The following POGZ variants were observed in gnomAD, a reference collection of about 807,000 sequenced individuals.
The protein encoded by POGZ is pogo transposable element with ZNF domain.
Under a neutral mutation model 134.6 loss-of-function variants are expected in POGZ, and 17 were observed. The observed-to-expected ratio is 0.13, with a 90% CI of 0.09 to 0.19. The LOEUF is 0.19. POGZ is among the 10% of genes least tolerant of loss of function. The pLI is 1.00. For missense variants in POGZ, 1,306 were observed against 1,769.7 expected, an observed-to-expected ratio of 0.74 and a Z score of 4.70; for synonymous variants, 693 against 657.1, an observed-to-expected ratio of 1.05 and a Z score of -0.84.
chr1:151,430,904 C>CTTTATTTTATTTTATTTTAT (rs60227751), intron 3 of POGZ, 63 bp from the exon 4 acceptor site: 48 of 426,868 alleles, frequency 1.1e-4, no homozygotes, highest in African/African-American at 9.5e-4. Context: ...CCACATTTTA[C>CTTTATTTTATTTTATTTTAT]TTTATTTTAT....
At position 151,408,258 on chromosome 1, in the gene POGZ, AAAG is replaced by A. The variant is rs1261575811; in HGVS notation, c.2235-21_2235-19del. ...TGACACTCCTGTGGGGGAAAAAAAA[AAAG>A]AATTCTCATTACTGCCTCATGGGTC... On this transcript the variant is annotated intron_variant, in intron 14 of 18. Transcript: ENST00000271715. The A allele has an allele frequency of 1.2e-6, 2 of 1,603,654 alleles. No homozygotes were observed. The highest frequency in any genetic ancestry group is 1.7e-4 in the Middle Eastern group (1 of 5,972).
intron 10 of POGZ, among the ~76,000 whole-genome samples, chr1:151,413,977 G>C (rs189838384): frequency 6.6e-6 from 1 of 152,186 alleles, no homozygotes; most frequent in African/African-American, 2.4e-5. Context: ...ATTTTTCTAG[G>C]AAGAGGATTC....
At chr1:151,412,806 A>G (rs1212712901) in intron 10 of POGZ, among the ~76,000 whole-genome samples, 3 of 151,972 alleles carry the variant, frequency 2.0e-5, no homozygotes, top group African/African-American at 7.3e-5. Flanking sequence ...AGGAACTGTC[A>G]CTTCTCTATA....
At chr1:151,424,736 C>T (rs1244729574) in intron 8 of POGZ, among the ~76,000 whole-genome samples, 1 of 152,172 alleles carries the variant, frequency 6.6e-6, no homozygotes, top group East Asian at 1.9e-4. Context: ...ATCTACCACA[C>T]TAAGAAAGTA....
At chr1:151,447,288 C>T (rs982875419) in intron 1 of POGZ, among the ~76,000 whole-genome samples, 1 of 151,978 alleles carries the variant, frequency 6.6e-6, no homozygotes, top group African/African-American at 2.4e-5. Flanking sequence ...AGGAGAATTG[C>T]TTGAACCCAG....
Position 151,459,333 on chromosome 1 carries a change from G to A in POGZ, c.-183C>T, listed in dbSNP as rs1056643624. 3 of 151,222 alleles carry A rather than the reference G, an allele frequency of 2.0e-5. No individual in the cohort carries two copies. Among genetic ancestry groups the A allele is most frequent in the Non-Finnish European group, 2.9e-5 (2 of 67,858 alleles). 9.4% of individuals were successfully genotyped at this position (151,222 alleles called of 1,614,324 possible). A position where few individuals can be genotyped will look rare whatever the true frequency, so the allele number is the denominator to read the frequency against. ...CAAGGGTGAAAGGAAGCCTCCCTCG[G>A]GTTCGAGTGATTCGGGGTGGATTTT... On this transcript the variant is annotated 5_prime_UTR_variant, in exon 1 of 19. Coordinates refer to ENST00000271715, the MANE Select transcript of POGZ (RefSeq NM_015100.4).
chr1:151,433,432 A>G (rs1274250596), intron 3 of POGZ, among the ~76,000 whole-genome samples: 2 of 151,854 alleles, frequency 1.3e-5, no homozygotes, highest in African/African-American at 4.8e-5. Flanking sequence ...ACACGGAGAA[A>G]TCCCGTCTCT....
chr1:151,421,202 C>CT (rs1269425047), intron 10 of POGZ, among the ~76,000 whole-genome samples: 6 of 152,020 alleles, frequency 3.9e-5, no homozygotes, highest in Non-Finnish European at 8.8e-5. Flanking sequence ...TAAGGGAGCG[C>CT]TACTGTATTT....
chr1:151,441,170 T>TA, intron 2 of POGZ, 84 bp from the exon 3 acceptor site: 3 of 1,165,898 alleles, frequency 2.6e-6, no homozygotes, highest in Non-Finnish European at 3.6e-6. Flanking sequence ...CTTTCCATCT[T>TA]ATTGTGGGTC....
chr1:151,435,581 C>T (rs1316583500), intron 3 of POGZ, among the ~76,000 whole-genome samples: 1 of 151,962 alleles, frequency 6.6e-6, no homozygotes, highest in Non-Finnish European at 1.5e-5. Context: ...CAACCTCCAC[C>T]TCTCAGGTTC....
At chr1:151,433,813 T>C (rs1379747337) in intron 3 of POGZ, among the ~76,000 whole-genome samples, 2 of 152,102 alleles carry the variant, frequency 1.3e-5, no homozygotes, top group African/African-American at 4.8e-5. Flanking sequence ...AATTCAAGTG[T>C]CTTACAAGGT....
intron 1 of POGZ, chr1:151,454,831 T>A (rs1207321853): frequency 6.6e-6 from 1 of 152,266 alleles, no homozygotes; most frequent in Admixed American, 6.6e-5. Context: ...GTTTTTCAGT[T>A]GGGCGTGGTG....
At chr1:151,431,350 T>C (rs1282639108) in intron 3 of POGZ, among the ~76,000 whole-genome samples, 1 of 152,172 alleles carries the variant, frequency 6.6e-6, no homozygotes, top group African/African-American at 2.4e-5. Flanking sequence ...CAGAACAAAA[T>C]ATGTTAAGTC....
At chr1:151,429,184 GTATT>G (rs1658288603) in intron 5 of POGZ, among the ~76,000 whole-genome samples, 1 of 149,728 alleles carries the variant, frequency 6.7e-6, no homozygotes, top group African/African-American at 2.5e-5. Flanking sequence ...GTCATTGACA[GTATT>G]TATCCATAAA....
chr1:151,405,647 A>C lies in POGZ; in HGVS notation c.3388T>G (p.Leu1130Val), dbSNP rs1276388879. 6.2e-7 allele frequency: 1 copy of C among 1,614,202 alleles called. No homozygotes were observed. The highest frequency in any genetic ancestry group is 8.5e-7 in the Non-Finnish European group (1 of 1,180,020). Residue 1130 changes from leucine to valine, a missense_variant, in exon 19 of 19, where the codon TTG becomes GTG. By Grantham distance (32) the Leu-to-Val change is conservative (BLOSUM62 1). Coordinates refer to ENST00000271715, the MANE Select transcript of POGZ (RefSeq NM_015100.4). This position sits in a 1 kb window ranked among gnomAD's most constrained non-coding sequence, Gnocchi z 4.9. Reference protein sequence around the residue: ...SMIVAIDEISLFLDTEVLSSD... With the variant: ...SMIVAIDEISVFLDTEVLSSD... Reference sequence around the variant, plus strand: ...CTCAGCACCTCTGTATCCAGGAACAAAGAGATCTCATCAATAGCCACAATC... The same window carrying C: ...CTCAGCACCTCTGTATCCAGGAACACAGAGATCTCATCAATAGCCACAATC...
At chr1:151,416,251 G>GA (rs71090163) in intron 10 of POGZ, among the ~76,000 whole-genome samples, 12,211 of 96,458 alleles carry the variant, frequency 0.13, 647 homozygotes, top group Middle Eastern at 0.21. Context: ...AGAAAGAAAA[G>GA]AAAAAAAAAA....
chr1:151,432,244 C>T lies in POGZ; in HGVS notation c.284-1403G>A, dbSNP rs6674191. Among the ~76,000 whole-genome samples, 526 of 152,184 alleles carry T rather than the reference C, an allele frequency of 3.5e-3. 5 individuals carry two copies. Among genetic ancestry groups the T allele is most frequent in the African/African-American group, 0.012 (504 of 41,516 alleles). The stretch of plus-strand genomic sequence containing the variant: ...AGCAAAATATGGCCTCAACTTTTTA[C>T]CCAAAATCACCAGAATGGGATGGGC... On this transcript the variant is annotated intron_variant, in intron 3 of 18. Transcript: ENST00000271715.
rs1336342465 is a variant in POGZ, at chr1:151,403,340, A to G, written c.*1462T>C. On this transcript the variant is annotated 3_prime_UTR_variant, in exon 19 of 19. Coordinates refer to ENST00000271715, the MANE Select transcript of POGZ (RefSeq NM_015100.4). ...CCTATTAAACAGGGTCACCTAGAAA[A>G]AAAACAAGTTTATAAATCCATTTCC... is the stretch of plus-strand genomic sequence containing the variant. 6.1e-6 allele frequency: 6 copies of G among 985,568 alleles called. No individual in the cohort carries two copies. The highest frequency in any genetic ancestry group is 7.2e-6 in the Non-Finnish European group (6 of 829,872). 61.1% of individuals were successfully genotyped at this position (985,568 alleles called of 1,614,324 possible).
chr1:151,408,816 A>G lies in POGZ; in HGVS notation c.1939T>C (p.Tyr647His). The G allele has an allele frequency of 5.6e-6, 9 of 1,608,756 alleles. No homozygotes were observed. The highest frequency in any genetic ancestry group is 1.3e-5 in the African/African-American group (1 of 74,174). The change falls in exon 13 of 19, where the codon TAT (tyrosine) becomes CAT (histidine). Residue 647 changes from tyrosine to histidine, a missense_variant. Around this residue, in one of 10 missense-constraint regions of POGZ, gnomAD observed 149 missense variants for 237.5 expected, o/e 0.63. Transcript: ENST00000271715. Reference protein sequence around the residue: ...HYMRHQKRNVYHCNKCRLQFL... With the variant: ...HYMRHQKRNVHHCNKCRLQFL... Reference sequence around the variant, plus strand: ...TGCAGCCGGCATTTGTTGCAGTGATAAACATTTCTCTTCTGAAGTGGGGGA... The same window carrying G: ...TGCAGCCGGCATTTGTTGCAGTGATGAACATTTCTCTTCTGAAGTGGGGGA...
Sources: gnomAD v4.1 joint callset for allele counts (sites outside exome capture counted in the v4.1 genomes callset) on GRCh38, gnomAD v4.1.1 for gene constraint, gnomAD v4.1.1 regional missense constraint, Gnocchi (gnomAD v3.1) non-coding constraint, MANE v1.5 for transcripts, NCBI Gene and HGNC (gene_info 2026-07-23, HGNC 2026-07-21) for gene names.